The following PLCL2 variants were observed in gnomAD, a reference collection of about 807,000 sequenced individuals.
PLCL2 encodes the protein inactive phospholipase C-like protein 2.
A neutral mutation model predicts 79.6 loss-of-function variants in PLCL2; 4 were observed. The ratio of observed to expected loss-of-function variants is 0.05; its 90% CI spans 0.02 to 0.11. The LOEUF is 0.11. Ranked by LOEUF, PLCL2 falls within the 10% of genes least tolerant of loss-of-function variation. The pLI, the probability that PLCL2 is intolerant of heterozygous loss-of-function variation, is 1.00. For synonymous variants in PLCL2, 484 were observed against 457.7 expected (o/e 1.06, Z -0.73); for missense variants, 895 against 1,291.0 (o/e 0.69, Z 4.70).
chr3:17,062,924 C>T (rs932859738), intron 4 of PLCL2, among the ~76,000 whole-genome samples: 10 of 152,028 alleles, frequency 6.6e-5, no homozygotes, highest in Non-Finnish European at 8.8e-5. Flanking sequence ...ACCTTGACAC[C>T]GTCCTGAATC....
At chr3:16,938,907 A>G (rs958391639) in intron 1 of PLCL2, among the ~76,000 whole-genome samples, 4 of 152,248 alleles carry the variant, frequency 2.6e-5, no homozygotes, top group Admixed American at 6.5e-5. Context: ...GAAAATTTAT[A>G]TAAGTGTTTG....
At chr3:17,022,598 T>C (rs1049670006) in intron 3 of PLCL2, among the ~76,000 whole-genome samples, 2 of 152,336 alleles carry the variant, frequency 1.3e-5, no homozygotes, top group Admixed American at 1.3e-4. Context: ...CAACTGGCAG[T>C]TTCCAAAGCT....
At chr3:16,920,194 A>C (rs949675110) in intron 1 of PLCL2, among the ~76,000 whole-genome samples, 1 of 152,218 alleles carries the variant, frequency 6.6e-6, no homozygotes, top group African/African-American at 2.4e-5. Context: ...TAAATGGAAC[A>C]ATAGGTACTT....
intron 1 of PLCL2, among the ~76,000 whole-genome samples, chr3:16,889,042 A>C (rs1368834942): frequency 2.0e-5 from 3 of 152,142 alleles, no homozygotes; most frequent in Non-Finnish European, 4.4e-5. Context: ...AGACAATGGC[A>C]ATCTTCGGTT....
intron 4 of PLCL2, among the ~76,000 whole-genome samples, chr3:17,045,030 A>T (rs1175735518): frequency 6.6e-6 from 1 of 152,204 alleles, no homozygotes; most frequent in African/African-American, 2.4e-5. Flanking sequence ...GAACGCCTAC[A>T]CAGCCCTTCT....
chr3:17,081,724 C>A (rs2065164060), intron 5 of PLCL2, among the ~76,000 whole-genome samples: 1 of 152,192 alleles, frequency 6.6e-6, no homozygotes, highest in South Asian at 2.1e-4. Flanking sequence ...GCTGCTCTGG[C>A]CTCTGATCCA....
intron 1 of PLCL2, among the ~76,000 whole-genome samples, chr3:17,007,046 AT>A (rs1374535981): frequency 1.3e-5 from 2 of 152,240 alleles, no homozygotes; most frequent in African/African-American, 4.8e-5. Context: ...ACATCCATAT[AT>A]TTTTGTAATT....
intron 1 of PLCL2, among the ~76,000 whole-genome samples, chr3:16,957,938 G>A (rs1218425122): frequency 3.9e-5 from 6 of 152,062 alleles, no homozygotes; most frequent in African/African-American, 1.2e-4. Context: ...ACGTGAGATG[G>A]GTTTCCTGAA....
intron 1 of PLCL2, among the ~76,000 whole-genome samples, chr3:16,939,792 A>T (rs993091895): frequency 4.6e-5 from 7 of 152,108 alleles, no homozygotes; most frequent in African/African-American, 1.7e-4. Context: ...CATGATTTCC[A>T]CTCCGTGTTT....
chr3:16,947,052 C>T (rs2063608234), intron 1 of PLCL2, among the ~76,000 whole-genome samples: 1 of 149,970 alleles, frequency 6.7e-6, no homozygotes, highest in Non-Finnish European at 1.5e-5. Context: ...ACCCCCTGGG[C>T]TCAGGTGATC....
chr3:17,037,348 T>A (rs17272810), intron 3 of PLCL2, among the ~76,000 whole-genome samples: 28,290 of 152,124 alleles, frequency 0.19, 2,811 homozygotes, highest in Non-Finnish European at 0.2. Context: ...AGGTGTATAC[T>A]GCACCATTTT....
intron 5 of PLCL2, among the ~76,000 whole-genome samples, chr3:17,084,613 G>C (rs1045622306): frequency 3.9e-5 from 6 of 152,116 alleles, no homozygotes; most frequent in African/African-American, 1.4e-4. Context: ...GGTATACAAG[G>C]TTGATTTAAC....
chr3:16,943,990 C>CTCA (rs1257845232), intron 1 of PLCL2, among the ~76,000 whole-genome samples: 1 of 152,150 alleles, frequency 6.6e-6, no homozygotes. Flanking sequence ...ATGCCTTCAA[C>CTCA]TCATAGCTTT....
At chr3:16,902,161 T>C (rs1193503853) in intron 1 of PLCL2, among the ~76,000 whole-genome samples, 1 of 152,180 alleles carries the variant, frequency 6.6e-6, no homozygotes, top group East Asian at 1.9e-4. Context: ...CCTCCTCCTA[T>C]CTGGTCCTTT....
In PLCL2 at chr3:16,965,042, A is replaced by G. The variant is rs1324276907; in HGVS notation, c.328-44632A>G. On this transcript the variant is annotated intron_variant, in intron 1 of 5. Coordinates refer to ENST00000615277, the MANE Select transcript of PLCL2 (RefSeq NM_001144382.2). ...TAGTTTAATTAGATCCCATTGGTCA[A>G]TTTTGGCTTTTGTTGCCATTGCTTT... Among the ~76,000 whole-genome samples, 3 of 151,824 alleles carry G rather than the reference A, an allele frequency of 2.0e-5. No homozygotes were observed. In the East Asian group the frequency reaches 5.9e-4, roughly 30 times the overall value.
chr3:17,063,853 A>G (rs1189751509), intron 4 of PLCL2, among the ~76,000 whole-genome samples: 1 of 152,164 alleles, frequency 6.6e-6, no homozygotes, highest in African/African-American at 2.4e-5. Context: ...TCTTCCTGTA[A>G]TTAAAGTGCA....
intron 1 of PLCL2, among the ~76,000 whole-genome samples, chr3:17,000,096 C>T (rs1314538320): frequency 1.3e-5 from 2 of 152,158 alleles, no homozygotes; most frequent in African/African-American, 2.4e-5. Flanking sequence ...TGAAACTCCC[C>T]TGTGACCTTT....
chr3:17,022,087 G>A (rs1200875694), intron 3 of PLCL2, among the ~76,000 whole-genome samples: 1 of 152,026 alleles, frequency 6.6e-6, no homozygotes, highest in Non-Finnish European at 1.5e-5. Context: ...TCTGTTTAGA[G>A]CATTTTTATT....
chr3:16,931,094 C>T (rs1697382127), intron 1 of PLCL2, among the ~76,000 whole-genome samples: 1 of 152,036 alleles, frequency 6.6e-6, no homozygotes, highest in South Asian at 2.1e-4. Context: ...CCTTGGCAAG[C>T]CATTCCTCTC....
Sources: gnomAD v4.1 joint callset for allele counts (sites outside exome capture counted in the v4.1 genomes callset) on GRCh38, gnomAD v4.1.1 for gene constraint, MANE v1.5 for transcripts, NCBI Gene and HGNC (gene_info 2026-07-23, HGNC 2026-07-21) for gene names.